Variants in TMEM209 observed in about 807,000 individuals in gnomAD.
TMEM209 encodes testicular tissue protein Li 202.
Under a neutral mutation model 76.2 loss-of-function variants are expected in TMEM209, and 65 were observed. The observed-to-expected ratio is 0.85, with a 90% CI of 0.70 to 1.05. The LOEUF is 1.05. TMEM209 is among the 50% of genes least tolerant of loss of function. The pLI, the probability that TMEM209 is intolerant of heterozygous loss-of-function variation, is 0.00. For missense variants in TMEM209, 623 were observed against 685.5 expected, an observed-to-expected ratio of 0.91 and a Z score of 1.02; for synonymous variants, 239 against 237.6, an observed-to-expected ratio of 1.01 and a Z score of -0.06.
At position 130,166,414 on chromosome 7, in the gene TMEM209, G is replaced by A. The variant is rs1382122510; in HGVS notation, c.*37C>T. ...GTTTAGTTTCGACTTCTGGTTCAGTGAAATAGTCTAAATGTCAGAATTAAA... is the reference window on the plus strand; with the variant it reads ...GTTTAGTTTCGACTTCTGGTTCAGTAAAATAGTCTAAATGTCAGAATTAAA... On this transcript the variant is annotated 3_prime_UTR_variant, in exon 15 of 15. Coordinates refer to ENST00000397622, the MANE Select transcript of TMEM209 (RefSeq NM_032842.4). 2 of 1,511,244 alleles carry A rather than the reference G, an allele frequency of 1.3e-6. No individual in the cohort carries two copies. The highest frequency in any genetic ancestry group is 2.6e-5 in the South Asian group (2 of 78,324). The allele number at this position is 1,511,244 out of a possible 1,614,324, so 93.6% of individuals were successfully genotyped here.
At chr7:130,183,398 T>C (rs1797489738) in intron 8 of TMEM209, among the ~76,000 whole-genome samples, 1 of 152,210 alleles carries the variant, frequency 6.6e-6, no homozygotes, top group Admixed American at 6.5e-5. Context: ...ATCCATAAAA[T>C]GCCATCCAGG....
intron 9 of TMEM209, among the ~76,000 whole-genome samples, chr7:130,180,200 T>C (rs1797363755): frequency 6.6e-6 from 1 of 151,994 alleles, no homozygotes; most frequent in Non-Finnish European, 1.5e-5. Flanking sequence ...GAGTTGAAAA[T>C]AGGTGATGGA....
chr7:130,199,324 T>C (rs1262409363), intron 5 of TMEM209, among the ~76,000 whole-genome samples: 1 of 152,146 alleles, frequency 6.6e-6, no homozygotes, highest in Non-Finnish European at 1.5e-5. Flanking sequence ...TTCACGCCAT[T>C]CTCCTGCCTC....
intron 11 of TMEM209, among the ~76,000 whole-genome samples, chr7:130,174,179 CA>C (rs1290481014): frequency 1.7e-4 from 26 of 152,106 alleles, no homozygotes; most frequent in Admixed American, 1.7e-3. Flanking sequence ...TTATTTCCTA[CA>C]AAGATAAGGA....
chr7:130,195,999 T>A (rs145268453), intron 5 of TMEM209, among the ~76,000 whole-genome samples: 1 of 152,280 alleles, frequency 6.6e-6, no homozygotes, highest in Non-Finnish European at 1.5e-5. Context: ...ACACCAGGAT[T>A]TCAATCCTGT....
intron 5 of TMEM209, among the ~76,000 whole-genome samples, chr7:130,194,866 T>C (rs997488932): frequency 6.6e-6 from 1 of 152,190 alleles, no homozygotes; most frequent in Non-Finnish European, 1.5e-5. Flanking sequence ...TTCGTATTAG[T>C]TTGCAATAAG....
intron 7 of TMEM209, 50 bp downstream of exon 7, chr7:130,185,142 C>G (rs773680815): frequency 1.3e-6 from 2 of 1,552,412 alleles, no homozygotes; most frequent in Non-Finnish European, 1.7e-6. Flanking sequence ...AGAAGACTTT[C>G]TAACAATGCA....
chr7:130,180,933 T>C (rs1356800639), intron 9 of TMEM209, among the ~76,000 whole-genome samples: 1 of 152,178 alleles, frequency 6.6e-6, no homozygotes. Context: ...AGAGTTACCA[T>C]ACAGCTCAAC....
rs1297557249 is a variant in TMEM209 at position 130,205,369 on chromosome 7, G to A, written c.3+4C>T. On this transcript the variant is annotated splice_donor_region_variant and intron_variant, in intron 1 of 14. Coordinates refer to ENST00000397622, the MANE Select transcript of TMEM209 (RefSeq NM_032842.4). ...GAAGCACAAACACGACCCCGAAAAC[G>A]CACCATGTCCTCTGGCCGGAAAACG... 6 of 1,613,682 alleles carry A rather than the reference G, an allele frequency of 3.7e-6. No individual in the cohort carries two copies. Among genetic ancestry groups the A allele is most frequent in the East Asian group, 4.5e-5 (2 of 44,878 alleles).
chr7:130,182,583 G>A (rs1797459792), intron 8 of TMEM209, among the ~76,000 whole-genome samples: 1 of 152,142 alleles, frequency 6.6e-6, no homozygotes, highest in Non-Finnish European at 1.5e-5. Flanking sequence ...ACTTTCAAAT[G>A]CCTTTTCCAT....
At chr7:130,198,900 G>T (rs1798088433) in intron 5 of TMEM209, among the ~76,000 whole-genome samples, 1 of 152,026 alleles carries the variant, frequency 6.6e-6, no homozygotes, top group South Asian at 2.1e-4. Context: ...TCTTATGGAG[G>T]TTGTCTTATT....
chr7:130,203,095 A>G (rs964132587), intron 3 of TMEM209, among the ~76,000 whole-genome samples: 3 of 152,150 alleles, frequency 2.0e-5, no homozygotes, highest in Admixed American at 6.5e-5. Flanking sequence ...TCTCAAAAAA[A>G]AAAAAAATTA....
chr7:130,186,130 A>C (rs762474556), intron 6 of TMEM209, among the ~76,000 whole-genome samples: 2 of 152,184 alleles, frequency 1.3e-5, no homozygotes, highest in Non-Finnish European at 2.9e-5. Context: ...TATGGTATTT[A>C]TGAAGGGCTT....
chr7:130,200,286 G>C (rs1466190198), intron 5 of TMEM209, among the ~76,000 whole-genome samples: 1 of 152,150 alleles, frequency 6.6e-6, no homozygotes, highest in Non-Finnish European at 1.5e-5. Context: ...ATAAATGTAT[G>C]TTAAAAGTTA....
chr7:130,173,503 A>G (rs1321786927), intron 13 of TMEM209, 129 bp downstream of exon 13: 2 of 645,318 alleles, frequency 3.1e-6, no homozygotes, highest in Admixed American at 6.5e-5. Flanking sequence ...AGAAATATAT[A>G]TGTAGGAAAC....
chr7:130,203,700 G>A, intron 3 of TMEM209, 88 bp downstream of exon 3: 1 of 1,171,682 alleles, frequency 8.5e-7, no homozygotes, highest in South Asian at 1.4e-5. Context: ...AATACTTGTT[G>A]AATAAGGAAA....
At position 130,166,350 on chromosome 7, in the gene TMEM209, A is replaced by G; in HGVS notation, c.*101T>C. The G allele has an allele frequency of 1.2e-6, 1 of 853,686 alleles. No individual in the cohort carries two copies. Among genetic ancestry groups the G allele is most frequent in the Non-Finnish European group, 1.8e-6 (1 of 560,308 alleles). The allele number at this position is 853,686 out of a possible 1,614,324, so 52.9% of individuals were successfully genotyped here. A position where few individuals can be genotyped will look rare whatever the true frequency, so the allele number is the denominator to read the frequency against. ...TCTAAAGAGTCTGTAACATACACCC[A>G]TGTGTATTTTATTTCAGAAGAGTCA... is the stretch of plus-strand genomic sequence containing the variant. On this transcript the variant is annotated 3_prime_UTR_variant, in exon 15 of 15. Transcript: ENST00000397622.
intron 5 of TMEM209, among the ~76,000 whole-genome samples, chr7:130,198,834 C>T (rs1584695221): frequency 6.6e-6 from 1 of 152,008 alleles, no homozygotes; most frequent in Admixed American, 6.6e-5. Flanking sequence ...TCAGAAAATA[C>T]AATGTGTACA....
intron 1 of TMEM209, chr7:130,204,959 G>A (rs139399619): frequency 8.2e-6 from 9 of 1,097,760 alleles, no homozygotes; most frequent in African/African-American, 1.6e-5. Flanking sequence ...TTTTAGAAGG[G>A]CACGTACTTA....
Sources: allele counts gnomAD v4.1 joint callset (sites outside exome capture counted in the v4.1 genomes callset), GRCh38; gene constraint gnomAD v4.1.1; transcripts MANE v1.5; gene names NCBI Gene and HGNC (gene_info 2026-07-23, HGNC 2026-07-21).